The following FGF14 variants were observed in gnomAD, a reference collection of about 807,000 sequenced individuals.
The protein encoded by FGF14 is fibroblast growth factor 14, also known as fibroblast growth factor homologous factor 4.
In FGF14, 5 loss-of-function variants were observed where a neutral mutation model predicts 25.5. The observed-to-expected ratio is 0.20, with a 90% CI of 0.10 to 0.41. The LOEUF (loss-of-function observed/expected upper bound fraction) is 0.41, where lower values mean the gene tolerates loss of function less well. Among genes scored for constraint, FGF14 ranks in the 10% least tolerant of loss-of-function variants. The pLI is 1.00. For synonymous variants in FGF14, 138 were observed against 118.3 expected (o/e 1.17, Z -1.08); for missense variants, 222 against 320.1 (o/e 0.69, Z 2.34).
Position 101,773,410 on chromosome 13 carries a change from A to G in FGF14, c.409-46600T>C, listed in dbSNP as rs557925658. ...TCTTTCACACCAAGCACTTGTGGGC[A>G]TTTTTTTTTTCTTGTCAGTGATATA... On this transcript the variant is annotated intron_variant, in intron 3 of 4. Transcript: ENST00000376143. Among the ~76,000 whole-genome samples the G allele has an allele frequency of 3.4e-4, 51 of 149,656 alleles. 1 individual carries two copies. The highest frequency in any genetic ancestry group is 3.2e-3 in the South Asian group (15 of 4,708).
chr13:102,162,908 C>T (rs2047839651), intron 1 of FGF14, among the ~76,000 whole-genome samples: 1 of 152,044 alleles, frequency 6.6e-6, no homozygotes, highest in Admixed American at 6.5e-5. Flanking sequence ...TAGCAGCGTC[C>T]CCCTCATTTG....
At chr13:101,726,524 G>T (rs897657456) in intron 4 of FGF14, 88 bp downstream of exon 4, 20 of 1,253,278 alleles carry the variant, frequency 1.6e-5, no homozygotes, top group Admixed American at 3.5e-5. Context: ...ACTTTGTGAA[G>T]GTTTCTTAGA....
intron 1 of FGF14, among the ~76,000 whole-genome samples, chr13:102,382,913 G>C (rs2058217297): frequency 6.6e-6 from 1 of 152,032 alleles, no homozygotes; most frequent in South Asian, 2.1e-4. Flanking sequence ...ATAAGACATA[G>C]AAAGCATATC....
chr13:101,832,451 T>C (rs1256255772), intron 3 of FGF14, among the ~76,000 whole-genome samples: 1 of 152,020 alleles, frequency 6.6e-6, no homozygotes, highest in Non-Finnish European at 1.5e-5. Flanking sequence ...AACTCAGATA[T>C]TTAAAGGGAA....
At chr13:101,785,378 C>CCCAAA (rs1175224388) in intron 3 of FGF14, among the ~76,000 whole-genome samples, 2 of 144,264 alleles carry the variant, frequency 1.4e-5, no homozygotes, top group African/African-American at 5.1e-5. Context: ...CAAACCAAAA[C>CCCAAA]AAAGCAAAAG....
At chr13:102,109,044 A>C (rs2140313693) in intron 1 of FGF14, among the ~76,000 whole-genome samples, 1 of 152,338 alleles carries the variant, frequency 6.6e-6, no homozygotes, top group Non-Finnish European at 1.5e-5. Context: ...GTACACATAA[A>C]CATATAAGTA....
intron 1 of FGF14, among the ~76,000 whole-genome samples, chr13:102,188,309 C>G (rs1236545013): frequency 6.6e-6 from 1 of 152,040 alleles, no homozygotes; most frequent in African/African-American, 2.4e-5. Context: ...CAGATAATGA[C>G]AGAGAGAGAC....
At chr13:101,805,240 T>A (rs2041129963) in intron 3 of FGF14, among the ~76,000 whole-genome samples, 1 of 152,156 alleles carries the variant, frequency 6.6e-6, no homozygotes, top group Non-Finnish European at 1.5e-5. Flanking sequence ...GTTGCCTTGT[T>A]GAGAAGATCT....
chr13:102,118,087 A>T (rs141279377), intron 1 of FGF14, among the ~76,000 whole-genome samples: 187 of 152,268 alleles, frequency 1.2e-3, no homozygotes, highest in Non-Finnish European at 2.3e-3. Flanking sequence ...TTTAACACAG[A>T]ACTCTGTGTA....
chr13:102,253,879 C>T (rs2052320035), intron 1 of FGF14, among the ~76,000 whole-genome samples: 1 of 152,128 alleles, frequency 6.6e-6, no homozygotes, highest in Non-Finnish European at 1.5e-5. Context: ...ATTAAGGAAC[C>T]CTTGTGATTA....
chr13:102,016,279 T>C (rs1197354363), intron 1 of FGF14, among the ~76,000 whole-genome samples: 1 of 152,138 alleles, frequency 6.6e-6, no homozygotes, highest in East Asian at 1.9e-4. Context: ...TATATGACTA[T>C]ATGTATTATA....
chr13:101,873,965 C>T (rs1566356719), intron 2 of FGF14, among the ~76,000 whole-genome samples: 4 of 151,304 alleles, frequency 2.6e-5, no homozygotes, highest in Non-Finnish European at 4.4e-5. Context: ...GAAATTGACA[C>T]GGAGGACAAT....
chr13:101,750,808 G>A (rs1042909308), intron 3 of FGF14, among the ~76,000 whole-genome samples: 25 of 152,040 alleles, frequency 1.6e-4, no homozygotes, highest in African/African-American at 5.6e-4. Context: ...GCCTTCAATA[G>A]GGGAATATAC....
chr13:101,940,277 CAA>C (rs2035362469), intron 1 of FGF14, among the ~76,000 whole-genome samples: 3 of 152,158 alleles, frequency 2.0e-5, no homozygotes, highest in African/African-American at 7.2e-5. Flanking sequence ...GGAGGTCTCC[CAA>C]AAGAGGTCAC....
chr13:101,928,203 C>T (rs1355739070), intron 1 of FGF14, among the ~76,000 whole-genome samples: 1 of 152,098 alleles, frequency 6.6e-6, no homozygotes, highest in Non-Finnish European at 1.5e-5. Context: ...AAGGGAATGG[C>T]ATATGCAAAG....
At chr13:102,213,241 C>T (rs372670748) in intron 1 of FGF14, among the ~76,000 whole-genome samples, 1 of 152,160 alleles carries the variant, frequency 6.6e-6, no homozygotes, top group South Asian at 2.1e-4. Flanking sequence ...ATTAACAGAG[C>T]TTTACTTCTT....
chr13:101,811,596 A>C (rs939398924), intron 3 of FGF14, among the ~76,000 whole-genome samples: 1 of 152,228 alleles, frequency 6.6e-6, no homozygotes, highest in Non-Finnish European at 1.5e-5. Flanking sequence ...TTATGTGTAC[A>C]CATATGTTTT....
At chr13:101,962,047 C>CTTT (rs34924382) in intron 1 of FGF14, among the ~76,000 whole-genome samples, 15 of 151,620 alleles carry the variant, frequency 9.9e-5, no homozygotes, top group South Asian at 2.1e-4. Context: ...TTTATACAGG[C>CTTT]TTTTTTTTGG....
chr13:101,735,754 A>G (rs941927164), intron 3 of FGF14, among the ~76,000 whole-genome samples: 32 of 152,044 alleles, frequency 2.1e-4, no homozygotes, highest in African/African-American at 7.2e-4. Flanking sequence ...GGGTGGTGGC[A>G]TGAGTAAAAA....
Sources: allele counts gnomAD v4.1 joint callset (sites outside exome capture counted in the v4.1 genomes callset), GRCh38; gene constraint gnomAD v4.1.1; transcripts MANE v1.5; gene names NCBI Gene and HGNC (gene_info 2026-07-23, HGNC 2026-07-21).